MIPOL1: variants seen among roughly 807,000 people sequenced by gnomAD.
MIPOL1 encodes mirror-image polydactyly gene 1 protein.
MIPOL1 carries 57 observed loss-of-function variants against 60.9 expected under a neutral mutation model. The ratio of observed to expected loss-of-function variants is 0.94; its 90% confidence interval spans 0.76 to 1.17. The LOEUF is 1.17. Ranked by LOEUF, MIPOL1 falls within the 50% of genes most tolerant of loss-of-function variation. The pLI, the probability that MIPOL1 is intolerant of heterozygous loss-of-function variation, is 0.00. For missense variants in MIPOL1, 551 were observed against 511.6 expected (o/e 1.08, Z -0.74); for synonymous variants, 179 against 168.8 (o/e 1.06, Z -0.47).
At chr14:37,467,882 C>T (rs185579502) in intron 11 of MIPOL1, among the ~76,000 whole-genome samples, 50 of 151,688 alleles carry the variant, frequency 3.3e-4, no homozygotes, top group African/African-American at 1.0e-3. Context: ...GGTGAAAAGC[C>T]GTCTCTACTA....
At chr14:37,516,436 A>G (rs1313819380) in intron 12 of MIPOL1, among the ~76,000 whole-genome samples, 1 of 152,166 alleles carries the variant, frequency 6.6e-6, no homozygotes, top group Non-Finnish European at 1.5e-5. Flanking sequence ...CTCAGTTTAT[A>G]TTTGTTAATG....
At chr14:37,342,251 G>A (rs2090624103) in intron 9 of MIPOL1, among the ~76,000 whole-genome samples, 1 of 151,826 alleles carries the variant, frequency 6.6e-6, no homozygotes, top group African/African-American at 2.4e-5. Context: ...CAGCTATTTG[G>A]GAGGCTGAGA....
chr14:37,267,015 A>T lies in MIPOL1; in HGVS notation c.97A>T (p.Asn33Tyr), dbSNP rs1474726439. 3 of 1,613,840 alleles carry T rather than the reference A, an allele frequency of 1.9e-6. No homozygotes were observed. Among genetic ancestry groups the T allele is most frequent in the East Asian group, 2.2e-5 (1 of 44,806 alleles). The change falls in exon 4 of 13, where the codon AAT becomes TAT. Residue 33 changes from asparagine to tyrosine, a missense_variant. Coordinates refer to ENST00000684589, the MANE Select transcript of MIPOL1 (RefSeq NM_001388067.1). Reference sequence around the variant, plus strand: ...GCAGCCAGATGAGCAACTGACTATGAATTCTGAGAAAAGTATGCATCGGAA... The same window carrying T: ...GCAGCCAGATGAGCAACTGACTATGTATTCTGAGAAAAGTATGCATCGGAA... Reference protein sequence around the residue: ...STQPDEQLTMNSEKSMHRKST... With the variant: ...STQPDEQLTMYSEKSMHRKST...
chr14:37,272,129 A>T (rs1358776123), intron 6 of MIPOL1, among the ~76,000 whole-genome samples: 2 of 151,590 alleles, frequency 1.3e-5, no homozygotes, highest in African/African-American at 4.8e-5. Context: ...ATTATTTAAA[A>T]GATGTTTAAT....
At chr14:37,461,540 A>G (rs1265221456) in intron 11 of MIPOL1, among the ~76,000 whole-genome samples, 1 of 152,142 alleles carries the variant, frequency 6.6e-6, no homozygotes, top group Non-Finnish European at 1.5e-5. Context: ...CAAATCTCAT[A>G]TCTTCACATT....
chr14:37,440,331 TTAAG>T (rs2094221969), intron 11 of MIPOL1, among the ~76,000 whole-genome samples: 1 of 152,158 alleles, frequency 6.6e-6, no homozygotes, highest in Admixed American at 6.6e-5. Flanking sequence ...CATGCGCAAA[TTAAG>T]TGAGGATCAG....
chr14:37,356,172 G>T (rs945890120), intron 9 of MIPOL1, among the ~76,000 whole-genome samples: 3 of 151,802 alleles, frequency 2.0e-5, no homozygotes, highest in Non-Finnish European at 4.4e-5. Context: ...TGCTGTGTGA[G>T]GTGTCAGTCT....
At chr14:37,223,279 C>T (rs1241523082) in intron 1 of MIPOL1, among the ~76,000 whole-genome samples, 3 of 152,100 alleles carry the variant, frequency 2.0e-5, no homozygotes, top group African/African-American at 7.2e-5. Flanking sequence ...GAGATCCACC[C>T]ACCTCGGCCT....
At position 37,492,045 on chromosome 14, in the gene MIPOL1, C is replaced by T. The variant is rs889278732; in HGVS notation, c.1032-7863C>T. Among the ~76,000 whole-genome samples, 5 of 152,160 alleles carry T rather than the reference C, an allele frequency of 3.3e-5. No individual in the cohort carries two copies. In the South Asian group the frequency reaches 8.3e-4, roughly 25 times the overall value. ...AAATAATATTTAAGATGGGGTCTCA[C>T]TGTGTTGCTCAGGCTGGTCTAGAAC... is the stretch of plus-strand genomic sequence containing the variant. On this transcript the variant is annotated intron_variant, in intron 11 of 12. Transcript: ENST00000684589.
intron 11 of MIPOL1, among the ~76,000 whole-genome samples, chr14:37,492,867 C>T (rs895187697): frequency 6.6e-6 from 1 of 152,058 alleles, no homozygotes; most frequent in Non-Finnish European, 1.5e-5. Context: ...TCACCCTCCC[C>T]GCCACCCCCA....
At chr14:37,520,982 G>A (rs1474075428) in intron 12 of MIPOL1, among the ~76,000 whole-genome samples, 1 of 131,092 alleles carries the variant, frequency 7.6e-6, no homozygotes, top group Non-Finnish European at 1.5e-5. Flanking sequence ...TGTCACCCAG[G>A]CTGAAATGCA....
intron 12 of MIPOL1, among the ~76,000 whole-genome samples, chr14:37,544,499 C>A (rs942070707): frequency 6.6e-6 from 1 of 152,176 alleles, no homozygotes; most frequent in African/African-American, 2.4e-5. Context: ...GCAGCTGGAG[C>A]CTATTTTAGT....
Position 37,532,364 on chromosome 14 carries a change from C to G in MIPOL1, c.1263-14541C>G, listed in dbSNP as rs147771520. Among the ~76,000 whole-genome samples the G allele has an allele frequency of 7.1e-3, 1,080 of 152,238 alleles. 18 individuals are homozygous for G. Among genetic ancestry groups the G allele is most frequent in the African/African-American group, 0.023 (949 of 41,544 alleles). On this transcript the variant is annotated intron_variant, in intron 12 of 12. Coordinates refer to ENST00000684589, the MANE Select transcript of MIPOL1 (RefSeq NM_001388067.1). ...TACTAACTTACTACCAAAGAATAAT[C>G]TAGGTACTGAGAATAAAGCCCATTA...
chr14:37,532,275 A>T (rs773841736), intron 12 of MIPOL1, among the ~76,000 whole-genome samples: 1 of 152,158 alleles, frequency 6.6e-6, no homozygotes, highest in Non-Finnish European at 1.5e-5. Flanking sequence ...GATCATTGTA[A>T]CTCAGTCCCT....
At chr14:37,267,224 A>C in intron 4 of MIPOL1, 55 bp downstream of exon 4, 23 of 1,366,108 alleles carry the variant, frequency 1.7e-5, no homozygotes, top group Non-Finnish European at 2.1e-5. Flanking sequence ...GTGGTGGCTC[A>C]TGCCTGTAAT....
At chr14:37,293,584 C>T (rs968406839) in intron 7 of MIPOL1, among the ~76,000 whole-genome samples, 7 of 152,130 alleles carry the variant, frequency 4.6e-5, no homozygotes, top group Non-Finnish European at 5.9e-5. Context: ...ACAGACGGCA[C>T]CTGGAAAATC....
chr14:37,390,051 T>C (rs1348241320), intron 10 of MIPOL1, among the ~76,000 whole-genome samples: 2 of 151,590 alleles, frequency 1.3e-5, no homozygotes, highest in African/African-American at 4.8e-5. Flanking sequence ...AAAATATATA[T>C]ATGTATATAT....
At chr14:37,259,902 C>T (rs2082398223) in intron 3 of MIPOL1, among the ~76,000 whole-genome samples, 2 of 152,096 alleles carry the variant, frequency 1.3e-5, no homozygotes, top group Admixed American at 1.3e-4. Context: ...CATTCTGCCA[C>T]CAACCTTTTC....
rs375459059 is a variant in MIPOL1, at chr14:37,530,731, G to A, written c.1263-16174G>A. On this transcript the variant is annotated intron_variant, in intron 12 of 12. Transcript: ENST00000684589. Reference sequence around the variant, plus strand: ...ACAGCAGATCACTTTCTGAAGTGATGTCATTCAGATTGAGAATTATCAGAA... The same window carrying A: ...ACAGCAGATCACTTTCTGAAGTGATATCATTCAGATTGAGAATTATCAGAA... Among the ~76,000 whole-genome samples, 6 of 152,198 alleles carry A rather than the reference G, an allele frequency of 3.9e-5. No homozygotes were observed. In the East Asian group the frequency reaches 9.7e-4, roughly 24 times the overall value.
Sources: gnomAD v4.1 joint callset for allele counts (sites outside exome capture counted in the v4.1 genomes callset) on GRCh38, gnomAD v4.1.1 for gene constraint, MANE v1.5 for transcripts, NCBI Gene and HGNC (gene_info 2026-07-23, HGNC 2026-07-21) for gene names.